The following SAMD12 variants were observed in gnomAD, a reference collection of about 807,000 sequenced individuals.
SAMD12 encodes sterile alpha motif domain-containing protein 12.
SAMD12 carries 9 observed loss-of-function variants against 15.0 expected under a neutral mutation model. The ratio of observed to expected loss-of-function variants is 0.60; its 90% CI spans 0.36 to 1.05. The LOEUF is 1.05. SAMD12 is among the 50% of genes least tolerant of loss of function. The probability of loss-of-function intolerance (pLI) is 0.01; values close to 1 mark genes in which losing one functional copy is unlikely to be tolerated. For missense variants in SAMD12, 230 were observed against 234.2 expected, an observed-to-expected ratio of 0.98 and a Z score of 0.12; for synonymous variants, 86 against 90.1, an observed-to-expected ratio of 0.96 and a Z score of 0.25.
In SAMD12 at chr8:118,545,431, C is replaced by T. The variant is rs187423537; in HGVS notation, c.192+35284G>A. On this transcript the variant is annotated intron_variant, in intron 2 of 3. Transcript: ENST00000314727. ...GCAGTGAACCAAGATCGTGCCATTA[C>T]ACTCCAGCCTGGGTGACAAGAGTGA... 4.1e-4 allele frequency among the ~76,000 whole-genome samples: 62 copies of T among 152,288 alleles called. 1 individual carries two copies. In the East Asian group the frequency reaches 0.012, roughly 29 times the overall value.
At chr8:118,585,895 T>A (rs1827426196) in intron 1 of SAMD12, among the ~76,000 whole-genome samples, 1 of 152,154 alleles carries the variant, frequency 6.6e-6, no homozygotes. Context: ...AGTTGAGGGG[T>A]GCATTGGCAT....
chr8:118,568,673 T>G (rs1400924498), intron 2 of SAMD12, among the ~76,000 whole-genome samples: 1 of 152,192 alleles, frequency 6.6e-6, no homozygotes, highest in Non-Finnish European at 1.5e-5. Flanking sequence ...TCAATGAAAC[T>G]TCATCATGAC....
the SAMD12 span, among the ~76,000 whole-genome samples, chr8:118,165,612 A>ATG: frequency 0.41 from 25,713 of 62,202 alleles, 3,081 homozygotes; most frequent in Non-Finnish European, 0.49. Flanking sequence ...ACATATATAT[A>ATG]TGTATATATA....
At position 118,569,543 on chromosome 8, in the gene SAMD12, C is replaced by T. The variant is rs1181953002; in HGVS notation, c.192+11172G>A. On this transcript the variant is annotated intron_variant, in intron 2 of 3. Coordinates refer to ENST00000314727, the MANE Select transcript of SAMD12 (RefSeq NM_207506.3). ...TAAAACTGATAGGTTGAAGCCCTAA[C>T]CCCCAATAAGGTGTTGTTTGAAAGT... Among the ~76,000 whole-genome samples the T allele has an allele frequency of 5.3e-5, 8 of 152,154 alleles. No individual in the cohort carries two copies. In the East Asian group the frequency reaches 1.5e-3, roughly 29 times the overall value.
At chr8:118,229,179 G>C (rs997793445) in intron 4 of SAMD12, among the ~76,000 whole-genome samples, 2 of 151,990 alleles carry the variant, frequency 1.3e-5, no homozygotes, top group African/African-American at 4.8e-5. Context: ...CAAATATGGT[G>C]CAGTGTATAC....
At chr8:118,188,893 T>G (rs1340680080), downstream of SAMD12, among the ~76,000 whole-genome samples, 2 of 152,084 alleles carry the variant, frequency 1.3e-5, no homozygotes, top group African/African-American at 4.8e-5. Flanking sequence ...GAAGCACTGG[T>G]TTCTAATCCG....
At chr8:118,423,000 C>T (rs143043974) in intron 3 of SAMD12, among the ~76,000 whole-genome samples, 3 of 152,180 alleles carry the variant, frequency 2.0e-5, no homozygotes, top group African/African-American at 7.2e-5. Flanking sequence ...ACGGTGAAAA[C>T]CTGCCTCTAC....
At chr8:118,258,515 A>G (rs868687281) in intron 4 of SAMD12, among the ~76,000 whole-genome samples, 3 of 152,114 alleles carry the variant, frequency 2.0e-5, no homozygotes, top group Non-Finnish European at 4.4e-5. Flanking sequence ...AGGTGCTAAT[A>G]CACTGAATTT....
chr8:118,554,996 T>C (rs1377636997), intron 2 of SAMD12, among the ~76,000 whole-genome samples: 1 of 152,232 alleles, frequency 6.6e-6, no homozygotes, highest in African/African-American at 2.4e-5. Flanking sequence ...TAATATGCCA[T>C]ATTTTTCCAT....
intron 4 of SAMD12, among the ~76,000 whole-genome samples, chr8:118,299,728 A>G (rs181666564): frequency 3.3e-5 from 5 of 152,320 alleles, no homozygotes; most frequent in African/African-American, 1.2e-4. Context: ...ACCCAAAAAT[A>G]TACTAAGATG....
chr8:118,588,521 G>A (rs1827506016), intron 1 of SAMD12, among the ~76,000 whole-genome samples: 1 of 152,172 alleles, frequency 6.6e-6, no homozygotes, highest in African/African-American at 2.4e-5. Context: ...TGTCCATAAA[G>A]TGTTACTGGA....
intron 2 of SAMD12, among the ~76,000 whole-genome samples, chr8:118,548,491 G>A (rs755882118): frequency 1.3e-5 from 2 of 152,128 alleles, no homozygotes; most frequent in South Asian, 2.1e-4. Context: ...TTGGTCAAAT[G>A]TGTCTAGATG....
At chr8:118,445,974 T>C (rs2130903350) in intron 2 of SAMD12, among the ~76,000 whole-genome samples, 1 of 152,314 alleles carries the variant, frequency 6.6e-6, no homozygotes, top group African/African-American at 2.4e-5. Flanking sequence ...CTCAATGTGT[T>C]GACAACGAAA....
chr8:118,453,931 T>A (rs568901270), intron 2 of SAMD12, among the ~76,000 whole-genome samples: 1 of 152,236 alleles, frequency 6.6e-6, no homozygotes, highest in South Asian at 2.1e-4. Flanking sequence ...TTCCCAAAGA[T>A]CTACCTCATA....
intron 4 of SAMD12, among the ~76,000 whole-genome samples, chr8:118,228,824 A>T (rs1812241191): frequency 6.6e-6 from 1 of 152,224 alleles, no homozygotes; most frequent in Non-Finnish European, 1.5e-5. Context: ...TATTCGAAAA[A>T]GATACTTGCA....
Position 118,318,353 on chromosome 8 carries a change from T to TAC in SAMD12, c.433+61206_433+61207insGT, listed in dbSNP as rs1491310320. On this transcript the variant is annotated intron_variant, in intron 4 of 4. Transcript: ENST00000409003. Reference sequence around the variant, plus strand: ...ATATATATATATATATATATATATATATACATATATACCATGGAACACTAC... The same window carrying TAC: ...ATATATATATATATATATATATATATACATACATATATACCATGGAACACTAC... 1.4e-3 allele frequency among the ~76,000 whole-genome samples: 125 copies of TAC among 87,816 alleles called. 2 individuals carry two copies. Among genetic ancestry groups the TAC allele is most frequent in the African/African-American group, 4.4e-3 (110 of 25,120 alleles). The allele number at this position is 87,816 out of a possible 152,430, so 57.6% of individuals were successfully genotyped here.
chr8:118,203,889 T>C (rs1819784918), intron 4 of SAMD12, among the ~76,000 whole-genome samples: 2 of 151,648 alleles, frequency 1.3e-5, no homozygotes, highest in Admixed American at 6.6e-5. Flanking sequence ...GCTTCATCCA[T>C]GTCCCTTCAA....
At chr8:118,600,184 G>T (rs1827825392) in intron 1 of SAMD12, among the ~76,000 whole-genome samples, 1 of 152,120 alleles carries the variant, frequency 6.6e-6, no homozygotes, top group South Asian at 2.1e-4. Context: ...GTGCAGCAGG[G>T]TGCCCCAAAT....
chr8:118,581,382 C>A (rs575226985), intron 1 of SAMD12, among the ~76,000 whole-genome samples: 1 of 152,170 alleles, frequency 6.6e-6, no homozygotes, highest in African/African-American at 2.4e-5. Flanking sequence ...TGTGCCATCC[C>A]TGGGTTAGAT....
Sources: allele counts gnomAD v4.1 joint callset (sites outside exome capture counted in the v4.1 genomes callset), GRCh38; gene constraint gnomAD v4.1.1; transcripts MANE v1.5; gene names NCBI Gene and HGNC (gene_info 2026-07-23, HGNC 2026-07-21).